The following CNTN4 variants were observed in gnomAD, a reference collection of about 807,000 sequenced individuals.
The protein encoded by CNTN4 is contactin 4.
In CNTN4, 77 loss-of-function variants were observed where a neutral mutation model predicts 122.5. The observed-to-expected ratio is 0.63, with a 90% CI of 0.52 to 0.76. The LOEUF (loss-of-function observed/expected upper bound fraction) is 0.76. Among genes scored for constraint, CNTN4 ranks in the 30% least tolerant of loss-of-function variants. The probability of loss-of-function intolerance (pLI) is 0.00; values close to 1 mark genes in which losing one functional copy is unlikely to be tolerated. For synonymous variants in CNTN4, 512 were observed against 447.0 expected (o/e 1.15, Z -1.83); for missense variants, 1,256 against 1,259.1 (o/e 1.00, Z 0.04).
At chr3:2,398,022 C>G (rs1278202339) in intron 3 of CNTN4, among the ~76,000 whole-genome samples, 3 of 152,076 alleles carry the variant, frequency 2.0e-5, no homozygotes, top group African/African-American at 7.2e-5. Flanking sequence ...CTATGCTCTA[C>G]TGTTTCTATA....
chr3:2,748,301 T>A (rs6764152), intron 6 of CNTN4, among the ~76,000 whole-genome samples: 140,352 of 152,218 alleles, frequency 0.92, 64,871 homozygotes, highest in Non-Finnish European at 0.97. Context: ...ATTCATCCAG[T>A]GCTACCCAAC....
At chr3:2,467,056 G>C (rs2075527113) in intron 3 of CNTN4, among the ~76,000 whole-genome samples, 1 of 140,652 alleles carries the variant, frequency 7.1e-6, no homozygotes, top group African/African-American at 2.7e-5. Flanking sequence ...GTAGATGCCA[G>C]TCTTGCCTTA....
At chr3:2,938,951 C>T (rs1174473675) in intron 13 of CNTN4, among the ~76,000 whole-genome samples, 3 of 152,184 alleles carry the variant, frequency 2.0e-5, no homozygotes, top group Admixed American at 6.5e-5. Context: ...GATATTAAAA[C>T]CAGACAGGCA....
chr3:2,725,563 A>ATT (rs554776931), intron 4 of CNTN4, among the ~76,000 whole-genome samples: 3 of 152,110 alleles, frequency 2.0e-5, no homozygotes, highest in African/African-American at 7.2e-5. Flanking sequence ...AGTTATATAT[A>ATT]TTTTTTTACA....
At chr3:2,428,688 T>C (rs1012547108) in intron 3 of CNTN4, among the ~76,000 whole-genome samples, 2 of 152,216 alleles carry the variant, frequency 1.3e-5, no homozygotes, top group African/African-American at 4.8e-5. Context: ...GGTTCCATTC[T>C]CCCCGTCACT....
chr3:2,835,317 G>A (rs570166757), intron 7 of CNTN4, among the ~76,000 whole-genome samples: 16 of 152,110 alleles, frequency 1.1e-4, no homozygotes. Flanking sequence ...TAAAAGTTTG[G>A]GAATACAAGG....
chr3:2,959,446 C>A (rs749077639), intron 13 of CNTN4, among the ~76,000 whole-genome samples: 1 of 151,968 alleles, frequency 6.6e-6, no homozygotes, highest in Non-Finnish European at 1.5e-5. Flanking sequence ...TTTATGAGTT[C>A]TTGGTCATAA....
intron 5 of CNTN4, among the ~76,000 whole-genome samples, chr3:2,737,206 G>C (rs1386759640): frequency 6.6e-6 from 1 of 152,112 alleles, no homozygotes; most frequent in Admixed American, 6.5e-5. Flanking sequence ...TCAGCCTCCT[G>C]AGTAGCTGGG....
intron 13 of CNTN4, among the ~76,000 whole-genome samples, chr3:2,956,810 G>A (rs2094803987): frequency 6.6e-6 from 1 of 152,064 alleles, no homozygotes; most frequent in African/African-American, 2.4e-5. Flanking sequence ...TACCTCCAGA[G>A]CCCCTAGCAA....
chr3:2,211,773 A>G (rs762806182), intron 2 of CNTN4, among the ~76,000 whole-genome samples: 33 of 152,250 alleles, frequency 2.2e-4, no homozygotes, highest in Non-Finnish European at 4.6e-4. Flanking sequence ...TCACCAACCC[A>G]TTTAGTCAGT....
At chr3:2,148,118 T>C (rs964642648) in intron 2 of CNTN4, among the ~76,000 whole-genome samples, 1 of 152,198 alleles carries the variant, frequency 6.6e-6, no homozygotes, top group African/African-American at 2.4e-5. Context: ...GTTGTGGGAC[T>C]TTATCGCTAA....
chr3:2,501,989 G>A (rs2076606988), intron 3 of CNTN4, among the ~76,000 whole-genome samples: 1 of 152,104 alleles, frequency 6.6e-6, no homozygotes, highest in South Asian at 2.1e-4. Flanking sequence ...CAGACTTTGT[G>A]TATAAAGTAC....
intron 2 of CNTN4, among the ~76,000 whole-genome samples, chr3:2,307,221 G>C (rs908869936): frequency 2.6e-5 from 4 of 152,114 alleles, no homozygotes; most frequent in African/African-American, 9.7e-5. Flanking sequence ...AGACCACAAG[G>C]TCAGGAGATG....
intron 2 of CNTN4, among the ~76,000 whole-genome samples, chr3:2,231,400 A>G (rs991680065): frequency 6.6e-6 from 1 of 152,188 alleles, no homozygotes; most frequent in Non-Finnish European, 1.5e-5. Context: ...TGTCATTCAG[A>G]TGATCTCCTT....
In CNTN4 at chr3:2,158,487, A is replaced by C. The variant is rs539309512; in HGVS notation, c.-145+57848A>C. 3.3e-5 allele frequency among the ~76,000 whole-genome samples: 5 copies of C among 152,306 alleles called. No homozygotes were observed. The East Asian group carries it at 9.7e-4, about 29-fold the overall frequency. On this transcript the variant is annotated intron_variant, in intron 2 of 24. Transcript: ENST00000418658. ...GCTGCAATAAAGACAACCATTGTAA[A>C]TGCTTACCTCTTAGATGAAAATGGT... is the stretch of plus-strand genomic sequence containing the variant.
Position 2,412,023 on chromosome 3 carries a change from C to T in CNTN4, c.-89+72790C>T, listed in dbSNP as rs550751472. Reference sequence around the variant, plus strand: ...TAATTTGTCTTCTGACTTCTATCACCGTAGATTAATTTTGCTTGTTCTTGG... The same window carrying T: ...TAATTTGTCTTCTGACTTCTATCACTGTAGATTAATTTTGCTTGTTCTTGG... On this transcript the variant is annotated intron_variant, in intron 3 of 24. Coordinates refer to ENST00000418658, the MANE Select transcript of CNTN4 (RefSeq NM_175607.3). 2.1e-3 allele frequency among the ~76,000 whole-genome samples: 326 copies of T among 152,176 alleles called. 2 individuals carry two copies. The highest frequency in any genetic ancestry group is 7.2e-3 in the African/African-American group (300 of 41,516).
intron 4 of CNTN4, among the ~76,000 whole-genome samples, chr3:2,588,548 G>A (rs1396658319): frequency 1.3e-5 from 2 of 151,906 alleles, no homozygotes; most frequent in Admixed American, 1.3e-4. Context: ...TGTACTTTTA[G>A]TAGAGACGGG....
At chr3:2,382,463 A>G (rs1347865682) in intron 3 of CNTN4, among the ~76,000 whole-genome samples, 1 of 151,910 alleles carries the variant, frequency 6.6e-6, no homozygotes, top group African/African-American at 2.4e-5. Context: ...CCCTATTGTG[A>G]TTTGTTAGTC....
At chr3:2,627,764 A>C (rs991507378) in intron 4 of CNTN4, among the ~76,000 whole-genome samples, 1 of 152,096 alleles carries the variant, frequency 6.6e-6, no homozygotes, top group African/African-American at 2.4e-5. Flanking sequence ...AAGTGCTGGG[A>C]TTACAGGCGT....
Sources: allele counts gnomAD v4.1 joint callset (sites outside exome capture counted in the v4.1 genomes callset), GRCh38; gene constraint gnomAD v4.1.1; transcripts MANE v1.5; gene names NCBI Gene and HGNC (gene_info 2026-07-23, HGNC 2026-07-21).